Variants in FAM184A observed in about 807,000 individuals in gnomAD.
The protein encoded by FAM184A is family with sequence similarity 184 member A.
FAM184A carries 99 observed loss-of-function variants against 143.8 expected under a neutral mutation model. The observed-to-expected ratio is 0.69, with a 90% confidence interval of 0.58 to 0.81. The LOEUF (loss-of-function observed/expected upper bound fraction) is 0.81, where lower values mean the gene tolerates loss of function less well. Among genes scored for constraint, FAM184A ranks in the 40% least tolerant of loss-of-function variants. The pLI is 0.00. For missense variants in FAM184A, 1,217 were observed against 1,310.5 expected (o/e 0.93, Z 1.10); for synonymous variants, 427 against 446.4 (o/e 0.96, Z 0.55).
intron 9 of FAM184A, among the ~76,000 whole-genome samples, chr6:118,995,557 G>T (rs1049392648): frequency 6.6e-6 from 1 of 152,180 alleles, no homozygotes; most frequent in Non-Finnish European, 1.5e-5. Context: ...TTAAGATACA[G>T]AAGTGGGATT....
At chr6:119,082,889 A>G (rs1054642754), upstream of FAM184A, among the ~76,000 whole-genome samples, 40 of 152,310 alleles carry the variant, frequency 2.6e-4, no homozygotes, top group Admixed American at 2.4e-3. Flanking sequence ...GACTCTGTGT[A>G]GGGGCTTTGA....
At chr6:119,125,201 T>C (rs1789325295) in intron 1 of FAM184A, among the ~76,000 whole-genome samples, 1 of 152,246 alleles carries the variant, frequency 6.6e-6, no homozygotes, top group African/African-American at 2.4e-5. Flanking sequence ...AACAGCTTTA[T>C]TAATCAATCA....
intron 1 of FAM184A, among the ~76,000 whole-genome samples, chr6:119,085,942 A>C (rs1788210203): frequency 6.6e-6 from 1 of 152,176 alleles, no homozygotes; most frequent in Admixed American, 6.5e-5. Context: ...ATTCATTATC[A>C]TGAGAACAGC....
chr6:119,131,051 G>A (rs756998343), intron 1 of FAM184A, among the ~76,000 whole-genome samples: 3 of 151,860 alleles, frequency 2.0e-5, no homozygotes, highest in Non-Finnish European at 4.4e-5. Flanking sequence ...CAGAGATGGG[G>A]TTTCACCATA....
At chr6:118,970,937 A>G (rs1282000602) in intron 14 of FAM184A, among the ~76,000 whole-genome samples, 1 of 152,192 alleles carries the variant, frequency 6.6e-6, no homozygotes, top group Non-Finnish European at 1.5e-5. Flanking sequence ...CTTGTTAAGA[A>G]AAAGAAAAGG....
intron 1 of FAM184A, among the ~76,000 whole-genome samples, chr6:119,086,653 A>G (rs577644022): frequency 3.5e-4 from 54 of 152,200 alleles, no homozygotes; most frequent in Non-Finnish European, 7.2e-4. Flanking sequence ...AGGTATCAAG[A>G]TTACTTATGG....
At chr6:118,973,425 A>T (rs754608790) in intron 14 of FAM184A, among the ~76,000 whole-genome samples, 2 of 152,228 alleles carry the variant, frequency 1.3e-5, no homozygotes, top group African/African-American at 2.4e-5. Flanking sequence ...GAAACCAAGA[A>T]GGTCCACTAG....
intron 1 of FAM184A, among the ~76,000 whole-genome samples, chr6:119,107,497 C>G (rs1788816567): frequency 6.6e-6 from 1 of 152,162 alleles, no homozygotes. Context: ...CACAGTGGCT[C>G]ATGCCTGCAA....
intron 1 of FAM184A, among the ~76,000 whole-genome samples, chr6:119,142,296 G>A (rs1041255361): frequency 6.6e-6 from 1 of 152,172 alleles, no homozygotes; most frequent in Non-Finnish European, 1.5e-5. Flanking sequence ...AGCCCTGATG[G>A]TGTCACTTCC....
intron 4 of FAM184A, among the ~76,000 whole-genome samples, chr6:119,018,882 T>C (rs950618178): frequency 6.7e-6 from 1 of 148,670 alleles, no homozygotes; most frequent in African/African-American, 2.4e-5. Flanking sequence ...CTTTTTGATT[T>C]AGCAACTAGA....
At chr6:119,011,280 CAT>C (rs765385433) in intron 6 of FAM184A, 27 bp downstream of exon 6, 18 of 1,588,834 alleles carry the variant, frequency 1.1e-5, no homozygotes, top group Non-Finnish European at 1.5e-5. Flanking sequence ...AAATCTATAA[CAT>C]AGGCAACAGG....
chr6:118,972,980 A>G (rs1783739393), intron 14 of FAM184A, among the ~76,000 whole-genome samples: 1 of 152,232 alleles, frequency 6.6e-6, no homozygotes, highest in East Asian at 1.9e-4. Context: ...AATCACCTCT[A>G]ATAACAGCAA....
rs201643212 is a variant in FAM184A at position 119,061,583 on chromosome 6, GC to G, written c.159+16557del. Among the ~76,000 whole-genome samples, 1,169 of 109,350 alleles carry G rather than the reference GC, an allele frequency of 0.011. 20 individuals are homozygous for G. The Middle Eastern group carries it at 0.11, about 10-fold the overall frequency. The allele number at this position is 109,350 out of a possible 152,430, so 71.7% of individuals were successfully genotyped here. ...TGTAGAGATGAGCTCTCACTACGTT[GC>G]CCAGACTGGTGTTGAACTCCTGGCC... is the stretch of plus-strand genomic sequence containing the variant. On this transcript the variant is annotated intron_variant, in intron 1 of 17. Transcript: ENST00000338891.
At chr6:119,100,083 G>A (rs1788601587) in intron 1 of FAM184A, among the ~76,000 whole-genome samples, 1 of 152,192 alleles carries the variant, frequency 6.6e-6, no homozygotes, top group Non-Finnish European at 1.5e-5. Flanking sequence ...AGGACACCCA[G>A]CTGGTATTCA....
intron 1 of FAM184A, among the ~76,000 whole-genome samples, chr6:119,112,721 C>T (rs149752879): frequency 6.6e-6 from 1 of 152,264 alleles, no homozygotes; most frequent in Non-Finnish European, 1.5e-5. Flanking sequence ...AAATGGACTG[C>T]AATCCTGTCT....
At chr6:118,964,424 TG>T (rs1452613008) in intron 16 of FAM184A, among the ~76,000 whole-genome samples, 13 of 151,752 alleles carry the variant, frequency 8.6e-5, no homozygotes, top group Admixed American at 4.6e-4. Context: ...TTCAGAAATA[TG>T]AAAAAAAGGT....
At chr6:119,116,439 C>CA (rs143284782) in intron 1 of FAM184A, among the ~76,000 whole-genome samples, 2,874 of 152,270 alleles carry the variant, frequency 0.019, 82 homozygotes, top group African/African-American at 0.066. Context: ...GTTGGGACCT[C>CA]AAGCCTCAGT....
At chr6:119,112,714 T>C (rs1388054382) in intron 1 of FAM184A, among the ~76,000 whole-genome samples, 1 of 152,170 alleles carries the variant, frequency 6.6e-6, no homozygotes, top group African/African-American at 2.4e-5. Flanking sequence ...TTTTGGAAAA[T>C]GGACTGCAAT....
chr6:119,110,632 T>C (rs1788907905), intron 1 of FAM184A, among the ~76,000 whole-genome samples: 1 of 152,222 alleles, frequency 6.6e-6, no homozygotes, highest in Non-Finnish European at 1.5e-5. Context: ...TTTTCAGAGC[T>C]TGAAGATGTG....
Sources: gnomAD v4.1 joint callset for allele counts (sites outside exome capture counted in the v4.1 genomes callset) on GRCh38, gnomAD v4.1.1 for gene constraint, MANE v1.5 for transcripts, NCBI Gene and HGNC (gene_info 2026-07-23, HGNC 2026-07-21) for gene names.